GIPC1: variants seen among roughly 807,000 people sequenced by gnomAD.
GIPC1 encodes GIPC PDZ domain containing family member 1, also known as PDZ domain-containing protein GIPC1.
GIPC1 carries 15 observed loss-of-function variants against 28.5 expected under a neutral mutation model. That is an observed-to-expected ratio of 0.53 (90% CI 0.35 to 0.81). GIPC1 has a LOEUF of 0.81. Ranked by LOEUF, GIPC1 falls within the 30% of genes least tolerant of loss-of-function variation. The pLI is 0.01. For synonymous variants in GIPC1, 224 were observed against 206.1 expected (o/e 1.09, Z -0.74); for missense variants, 439 against 481.9 (o/e 0.91, Z 0.83).
intron 4 of GIPC1, chr19:14,482,441 C>G (rs908268653): frequency 1.0e-5 from 6 of 585,516 alleles, no homozygotes; most frequent in Non-Finnish European, 1.8e-5. Context: ...GCACAGGTCT[C>G]CCAGTGCCTG....
intron 3 of GIPC1, among the ~76,000 whole-genome samples, chr19:14,485,702 T>TATATATATATATATAGAGAG (rs1300117748): frequency 6.8e-5 from 4 of 58,784 alleles, no homozygotes; most frequent in Non-Finnish European, 7.4e-5. Flanking sequence ...TATATATATA[T>TATATATATATATATAGAGAG]AGAGAGAGAG....
In GIPC1 at chr19:14,480,450, G is replaced by A. The variant is rs758139694; in HGVS notation, c.510C>T (p.His170=). The part of the protein sequence containing the change: ...IKEGSVIDHI[H]LISVGDMIEA... Reference sequence around the variant, plus strand: ...CGATCATGTCGCCCACGCTGATGAGGTGGATGTGGTCGATCACGCTGCCCT... The same window carrying A: ...CGATCATGTCGCCCACGCTGATGAGATGGATGTGGTCGATCACGCTGCCCT... The change falls in exon 6 of 9, where the codon CAC becomes CAT. Residue 170 remains histidine, a synonymous_variant. Transcript: ENST00000393033. The A allele has an allele frequency of 3.7e-6, 6 of 1,613,616 alleles. No individual in the cohort carries two copies. Among genetic ancestry groups the A allele is most frequent in the Non-Finnish European group, 4.2e-6 (5 of 1,179,682 alleles).
rs201270180 is a variant in GIPC1 at position 14,487,224 on chromosome 19, TTTTC to T, written c.-30-4222_-30-4219del. Among the ~76,000 whole-genome samples the T allele has an allele frequency of 6.0e-3, 910 of 151,178 alleles. 6 individuals are homozygous for T. Among genetic ancestry groups the T allele is most frequent in the East Asian group, 0.013 (68 of 5,164 alleles). ...AGAGATGCCTTTCTTTTTTTCTTTTTTTTCTTTCTTTCTTTTTTTTTTTTTGAGA... is the reference window on the plus strand; with the variant it reads ...AGAGATGCCTTTCTTTTTTTCTTTTTTTTCTTTCTTTTTTTTTTTTTGAGA... On this transcript the variant is annotated intron_variant, in intron 3 of 8. Coordinates refer to ENST00000393033, the MANE Select transcript of GIPC1 (RefSeq NM_005716.4).
chr19:14,491,916 A>T (rs555121809), intron 2 of GIPC1, among the ~76,000 whole-genome samples, 173 bp from the exon 3 acceptor site: 1 of 152,160 alleles, frequency 6.6e-6, no homozygotes, highest in Admixed American at 6.5e-5. Flanking sequence ...TATATTTTCA[A>T]AATTAGCCAG....
chr19:14,484,148 T>G (rs1009198209), intron 3 of GIPC1, among the ~76,000 whole-genome samples: 1 of 118,140 alleles, frequency 8.5e-6, no homozygotes, highest in East Asian at 2.8e-4. Context: ...TTTTTTTTTT[T>G]GAGACTGAGT....
At chr19:14,494,421 C>G (rs187042951) in intron 1 of GIPC1, among the ~76,000 whole-genome samples, 1 of 152,206 alleles carries the variant, frequency 6.6e-6, no homozygotes, top group East Asian at 1.9e-4. Flanking sequence ...TGGGCTGGCA[C>G]CCCTTGCCCA....
intron 3 of GIPC1, among the ~76,000 whole-genome samples, chr19:14,485,195 C>A (rs1227226728): frequency 5.9e-5 from 9 of 151,526 alleles, no homozygotes; most frequent in Non-Finnish European, 1.2e-4. Flanking sequence ...ATAAAAGAGT[C>A]AGGGTCTCTT....
At chr19:14,487,572 A>G (rs2146482244) in intron 3 of GIPC1, among the ~76,000 whole-genome samples, 1 of 152,048 alleles carries the variant, frequency 6.6e-6, no homozygotes, top group East Asian at 1.9e-4. Flanking sequence ...GATGCTATAT[A>G]GGCTAGCTGG....
At chr19:14,495,420 G>A (rs376492209) in intron 1 of GIPC1, among the ~76,000 whole-genome samples, 2 of 152,106 alleles carry the variant, frequency 1.3e-5, no homozygotes, top group African/African-American at 2.4e-5. Context: ...GGACCCTGGG[G>A]CATGAGTTCC....
Position 14,482,994 on chromosome 19 carries a change from G to C in GIPC1, c.-18C>G, listed in dbSNP as rs768852575. ...AGCGGCATGAGCAGCGAGAAGTGGG[G>C]TCACCAGAAGATCTGCAGGACAGGA... On this transcript the variant is annotated 5_prime_UTR_variant, in exon 4 of 9. Coordinates refer to ENST00000393033, the MANE Select transcript of GIPC1 (RefSeq NM_005716.4). 1 of 1,605,560 alleles carries C rather than the reference G, an allele frequency of 6.2e-7. No homozygotes were observed. Among genetic ancestry groups the C allele is most frequent in the Admixed American group, 1.7e-5 (1 of 59,452 alleles).
Position 14,482,688 on chromosome 19 carries a change from C to A in GIPC1, c.288+1G>T. 1 of 1,611,214 alleles carries A rather than the reference C, an allele frequency of 6.2e-7. No homozygotes were observed. Among genetic ancestry groups the A allele is most frequent in the Non-Finnish European group, 8.5e-7 (1 of 1,179,842 alleles). ...CTGGTGCCCGGCTCCCCAGTGGATA[C>A]CTCGGCAGTTGGCAGGCGGAAGGCC... is the stretch of plus-strand genomic sequence containing the variant. On this transcript the variant is annotated splice_donor_variant, in intron 4 of 8. Coordinates refer to ENST00000393033, the MANE Select transcript of GIPC1 (RefSeq NM_005716.4). LOFTEE classifies it high-confidence loss of function.
chr19:14,480,505 T>A lies in GIPC1; in HGVS notation c.475-20A>T. On this transcript the variant is annotated intron_variant, in intron 5 of 8. Coordinates refer to ENST00000393033, the MANE Select transcript of GIPC1 (RefSeq NM_005716.4). The stretch of plus-strand genomic sequence containing the variant: ...GATGCGCTGCGGGGGCGGGGAGTCA[T>A]CAGCCCTTGGGGCTCTGCCCTGGTT... 2 of 1,606,700 alleles carry A rather than the reference T, an allele frequency of 1.2e-6. No individual in the cohort carries two copies. Among genetic ancestry groups the A allele is most frequent in the Non-Finnish European group, 1.7e-6 (2 of 1,174,878 alleles).
intron 3 of GIPC1, among the ~76,000 whole-genome samples, chr19:14,490,774 C>T (rs2071953596): frequency 6.7e-6 from 1 of 149,150 alleles, no homozygotes; most frequent in Admixed American, 6.7e-5. Flanking sequence ...GAGATCGAGA[C>T]CATCCTGGCT....
At chr19:14,488,158 CCCTGAG>C (rs1453826969) in intron 3 of GIPC1, among the ~76,000 whole-genome samples, 1 of 152,086 alleles carries the variant, frequency 6.6e-6, no homozygotes, top group East Asian at 1.9e-4. Context: ...AGTAGAAAGG[CCCTGAG>C]CTGGGGCTGG....
At chr19:14,484,897 C>G (rs910328536) in intron 3 of GIPC1, among the ~76,000 whole-genome samples, 3 of 150,702 alleles carry the variant, frequency 2.0e-5, no homozygotes, top group Admixed American at 2.0e-4. Context: ...CCATAGTGCC[C>G]GCCTGTAATC....
At chr19:14,494,649 T>C (rs987752481) in intron 1 of GIPC1, among the ~76,000 whole-genome samples, 1 of 152,160 alleles carries the variant, frequency 6.6e-6, no homozygotes, top group Non-Finnish European at 1.5e-5. Flanking sequence ...GCTCACTAAA[T>C]ATTTGTAGAC....
chr19:14,486,716 T>C (rs992093207), intron 3 of GIPC1, among the ~76,000 whole-genome samples: 10 of 147,234 alleles, frequency 6.8e-5, no homozygotes, highest in East Asian at 2.0e-4. Flanking sequence ...TTCTTTCTTT[T>C]TTTTTTTTTT....
chr19:14,484,129 CTTTTTTTTTT>C (rs56178535), intron 3 of GIPC1, among the ~76,000 whole-genome samples: 2 of 108,546 alleles, frequency 1.8e-5, no homozygotes, highest in African/African-American at 7.1e-5. Context: ...GACCCTGACT[CTTTTTTTTTT>C]TTTTTTTTTG....
At chr19:14,494,169 A>T (rs995455120) in intron 1 of GIPC1, among the ~76,000 whole-genome samples, 6 of 152,162 alleles carry the variant, frequency 3.9e-5, no homozygotes, top group African/African-American at 1.4e-4. Flanking sequence ...CATGTTGATC[A>T]GGCTGGTCTC....
Sources: gnomAD v4.1 joint callset for allele counts (sites outside exome capture counted in the v4.1 genomes callset) on GRCh38, gnomAD v4.1.1 for gene constraint, MANE v1.5 for transcripts, NCBI Gene and HGNC (gene_info 2026-07-23, HGNC 2026-07-21) for gene names.